Variants in SPON1 observed in about 807,000 individuals in gnomAD.
The protein encoded by SPON1 is spondin-1.
In SPON1, 52 loss-of-function variants were observed where a neutral mutation model predicts 111.7. That is an observed-to-expected ratio of 0.47 (90% CI 0.37 to 0.59). SPON1 has a LOEUF of 0.59. SPON1 is among the 20% of genes least tolerant of loss of function. The pLI, the probability that SPON1 is intolerant of heterozygous loss-of-function variation, is 0.00. For missense variants in SPON1, 957 were observed against 1,068.5 expected (o/e 0.90, Z 1.46); for synonymous variants, 410 against 395.8 (o/e 1.04, Z -0.43).
At position 14,257,731 on chromosome 11, in the gene SPON1, C is replaced by T. The variant is rs1849125234; in HGVS notation, c.1325C>T (p.Thr442Ile). The T allele has an allele frequency of 1.2e-6, 2 of 1,611,536 alleles. No homozygotes were observed. Among genetic ancestry groups the T allele is most frequent in the African/African-American group, 1.3e-5 (1 of 74,886 alleles). ...CTCTTTCCAGATGACACCCCTGAAACCTGCATCTACTCCAACTGGTCCCCA... is the reference window on the plus strand; with the variant it reads ...CTCTTTCCAGATGACACCCCTGAAATCTGCATCTACTCCAACTGGTCCCCA... ...EEKDEDDTPE[T>I]CIYSNWSPWS... The change falls in exon 11 of 16, where the codon ACC becomes ATC. Residue 442 changes from threonine to isoleucine, a missense_variant. Physicochemically the swap from Thr to Ile is moderately conservative, Grantham distance 89. Around this residue, in one of 5 missense-constraint regions of SPON1, gnomAD observed 549 missense variants for 606.2 expected, o/e 0.91. Transcript: ENST00000576479.
chr11:13,962,991 C>T lies in SPON1; in HGVS notation c.87C>T (p.Phe29=), dbSNP rs1554907656. 1 of 1,595,606 alleles carries T rather than the reference C, an allele frequency of 6.3e-7. No individual in the cohort carries two copies. The highest frequency in any genetic ancestry group is 1.3e-5 in the African/African-American group (1 of 74,194). ...TGCCCCTGGCCGCGGCGCTGGCCTT[C>T]TCCGACGAGACCCTGGACAAAGTGC... The part of the protein sequence containing the change: ...LALPLAAALA[F]SDETLDKVPK... Residue 29 remains phenylalanine (F), a synonymous_variant, in exon 1 of 16, where the codon TTC becomes TTT. Coordinates refer to ENST00000576479, the MANE Select transcript of SPON1 (RefSeq NM_006108.4).
intron 5 of SPON1, among the ~76,000 whole-genome samples, chr11:14,123,462 G>A (rs1353223342): frequency 6.6e-6 from 1 of 152,056 alleles, no homozygotes; most frequent in Non-Finnish European, 1.5e-5. Flanking sequence ...TAGGGTTTCA[G>A]TTGAACATAT....
chr11:13,996,303 A>G lies in SPON1; in HGVS notation c.345+13350A>G, dbSNP rs148572462. 2.1e-3 allele frequency among the ~76,000 whole-genome samples: 316 copies of G among 152,350 alleles called. 4 individuals are homozygous for G. The highest frequency in any genetic ancestry group is 7.0e-3 in the African/African-American group (289 of 41,580). ...ACAACACATTTTAAAAGCGATGTCA[A>G]CACCTCTTGCTTAACACTTAGTTTT... On this transcript the variant is annotated intron_variant, in intron 2 of 15. Coordinates refer to ENST00000576479, the MANE Select transcript of SPON1 (RefSeq NM_006108.4).
At chr11:13,963,964 TC>T in intron 1 of SPON1, among the ~76,000 whole-genome samples, 1 of 152,236 alleles carries the variant, frequency 6.6e-6, no homozygotes, top group Non-Finnish European at 1.5e-5. Context: ...AGTCTCCACG[TC>T]CCAGGGATGT....
At chr11:14,113,759 C>A (rs551583563) in intron 5 of SPON1, among the ~76,000 whole-genome samples, 1 of 151,576 alleles carries the variant, frequency 6.6e-6, no homozygotes, top group South Asian at 2.1e-4. Context: ...CCCGCCACCA[C>A]GCCCGGCTAA....
intron 2 of SPON1, among the ~76,000 whole-genome samples, chr11:14,000,880 G>A (rs1280051846): frequency 6.6e-6 from 1 of 152,038 alleles, no homozygotes; most frequent in African/African-American, 2.4e-5. Flanking sequence ...TATAAGCTTG[G>A]CCACTTAATT....
At chr11:14,230,792 T>C (rs1048538467) in intron 6 of SPON1, among the ~76,000 whole-genome samples, 5 of 147,462 alleles carry the variant, frequency 3.4e-5, no homozygotes, top group Admixed American at 6.7e-5. Flanking sequence ...TCCTTCATTT[T>C]TTCGTGGTGG....
intron 7 of SPON1, among the ~76,000 whole-genome samples, chr11:14,244,879 G>T (rs554396805): frequency 1.3e-5 from 2 of 152,300 alleles, no homozygotes; most frequent in Non-Finnish European, 2.9e-5. Flanking sequence ...ACACGTCGGG[G>T]TTCATCTCTT....
At chr11:13,972,431 A>T (rs1848070456) in intron 1 of SPON1, among the ~76,000 whole-genome samples, 1 of 152,218 alleles carries the variant, frequency 6.6e-6, no homozygotes, top group Non-Finnish European at 1.5e-5. Context: ...TGTAGCTGTC[A>T]GCCATTCATG....
chr11:14,140,359 T>A (rs782324825), intron 6 of SPON1, among the ~76,000 whole-genome samples: 2 of 152,220 alleles, frequency 1.3e-5, no homozygotes, highest in Non-Finnish European at 2.9e-5. Flanking sequence ...ATTAGTTTCT[T>A]CTTTGGTTTT....
intron 3 of SPON1, among the ~76,000 whole-genome samples, chr11:14,047,218 G>A (rs1848675126): frequency 6.6e-6 from 1 of 152,044 alleles, no homozygotes; most frequent in Non-Finnish European, 1.5e-5. Flanking sequence ...GTATTGCATA[G>A]TAGTATTCAT....
intron 3 of SPON1, among the ~76,000 whole-genome samples, chr11:14,072,189 T>C (rs1470002865): frequency 6.6e-6 from 1 of 152,128 alleles, no homozygotes; most frequent in African/African-American, 2.4e-5. Flanking sequence ...GGTAATAATG[T>C]ATATTAAGTG....
chr11:14,247,243 T>C (rs1339452638), intron 7 of SPON1, among the ~76,000 whole-genome samples: 1 of 152,104 alleles, frequency 6.6e-6, no homozygotes, highest in Non-Finnish European at 1.5e-5. Context: ...CCCCCATCTC[T>C]ACAAAAAATT....
chr11:14,260,592 C>T lies in SPON1; in HGVS notation c.1836C>T (p.Thr612=), dbSNP rs544941518. 24 of 1,613,130 alleles carry T rather than the reference C, an allele frequency of 1.5e-5. No homozygotes were observed. Among genetic ancestry groups the T allele is most frequent in the Non-Finnish European group, 2.0e-5 (23 of 1,179,400 alleles). ...AEKCMMPECH[T]IPCLLSPWSE... Reference sequence around the variant, plus strand: ...CAAACCTGGTTCTTGATCTAGACACCATCCCATGCTTGCTGTCCCCATGGT... The same window carrying T: ...CAAACCTGGTTCTTGATCTAGACACTATCCCATGCTTGCTGTCCCCATGGT... The change falls in exon 14 of 16, where the codon ACC becomes ACT. Residue 612 remains threonine (T), a synonymous_variant. Coordinates refer to ENST00000576479, the MANE Select transcript of SPON1 (RefSeq NM_006108.4).
At chr11:14,059,427 T>C (rs535853860) in intron 3 of SPON1, among the ~76,000 whole-genome samples, 49 of 152,078 alleles carry the variant, frequency 3.2e-4, no homozygotes, top group African/African-American at 1.1e-3. Flanking sequence ...CAGGAGGGAA[T>C]GGGAAACATA....
chr11:14,188,239 T>C (rs573139797), intron 6 of SPON1, among the ~76,000 whole-genome samples: 1 of 152,276 alleles, frequency 6.6e-6, no homozygotes, highest in African/African-American at 2.4e-5. Flanking sequence ...GCATTTATAT[T>C]TGATTCTATT....
chr11:14,217,601 A>AGAG (rs1554937247), intron 6 of SPON1, among the ~76,000 whole-genome samples: 1 of 152,126 alleles, frequency 6.6e-6, no homozygotes, highest in Non-Finnish European at 1.5e-5. Flanking sequence ...AAGAAAGAAA[A>AGAG]AACACTTTTA....
At chr11:14,032,539 G>A (rs752361061) in intron 2 of SPON1, among the ~76,000 whole-genome samples, 1 of 152,168 alleles carries the variant, frequency 6.6e-6, no homozygotes, top group South Asian at 2.1e-4. Context: ...ACAGCTGCTG[G>A]CTGCTTCGTC....
intron 3 of SPON1, among the ~76,000 whole-genome samples, chr11:14,071,901 G>A (rs764314315): frequency 8.5e-4 from 129 of 152,220 alleles, no homozygotes; most frequent in Admixed American, 1.8e-3. Flanking sequence ...GTTTTAGCAT[G>A]TTGGCCAGGC....
Sources: gnomAD v4.1 joint callset for allele counts (sites outside exome capture counted in the v4.1 genomes callset) on GRCh38, gnomAD v4.1.1 for gene constraint, gnomAD v4.1.1 regional missense constraint, MANE v1.5 for transcripts, NCBI Gene and HGNC (gene_info 2026-07-23, HGNC 2026-07-21) for gene names.